The following ASXL2 variants were observed in gnomAD, a reference collection of about 807,000 sequenced individuals.
The protein encoded by ASXL2 is ASXL transcriptional regulator 2.
ASXL2 carries 23 observed loss-of-function variants against 122.0 expected under a neutral mutation model. The observed-to-expected ratio is 0.19, with a 90% CI of 0.14 to 0.27. The LOEUF (loss-of-function observed/expected upper bound fraction) is 0.27. Ranked by LOEUF, ASXL2 falls within the 10% of genes least tolerant of loss-of-function variation. ASXL2 has a pLI of 1.00. For missense variants in ASXL2, 1,518 were observed against 1,713.8 expected (o/e 0.89, Z 2.02); for synonymous variants, 650 against 637.0 (o/e 1.02, Z -0.31).
chr2:25,857,167 T>C (rs2089790759), intron 1 of ASXL2, among the ~76,000 whole-genome samples: 1 of 150,442 alleles, frequency 6.6e-6, no homozygotes, highest in Non-Finnish European at 1.5e-5. Flanking sequence ...TGGTAAGCCA[T>C]GTGGTGAGCC....
intron 5 of ASXL2, among the ~76,000 whole-genome samples, chr2:25,786,243 CTTTT>C (rs370316025): frequency 8.0e-5 from 9 of 112,408 alleles, no homozygotes; most frequent in Non-Finnish European, 5.0e-5. Flanking sequence ...CCACATCATT[CTTTT>C]TTTTTTTTTT....
At chr2:25,833,616 A>T (rs2089478459) in intron 3 of ASXL2, among the ~76,000 whole-genome samples, 1 of 152,094 alleles carries the variant, frequency 6.6e-6, no homozygotes, top group Non-Finnish European at 1.5e-5. Context: ...AAATTGTTTG[A>T]ACTCAGGAGG....
chr2:25,841,538 C>A (rs1037805502), intron 2 of ASXL2, among the ~76,000 whole-genome samples: 4 of 151,828 alleles, frequency 2.6e-5, no homozygotes. Context: ...TAATTTCAAA[C>A]CTTAGTGCTA....
intron 6 of ASXL2, 82 bp downstream of exon 6, chr2:25,771,357 CA>C: frequency 6.1e-6 from 8 of 1,306,846 alleles, no homozygotes; most frequent in Non-Finnish European, 8.3e-6. Flanking sequence ...AAAAAATTTT[CA>C]AAAAATATCC....
chr2:25,842,205 A>G (rs1337706415), intron 2 of ASXL2, among the ~76,000 whole-genome samples: 1 of 152,142 alleles, frequency 6.6e-6, no homozygotes, highest in African/African-American at 2.4e-5. Flanking sequence ...GTCAACCAAA[A>G]TTGTCTCTGA....
chr2:25,771,890 T>C (rs567382042), intron 5 of ASXL2, among the ~76,000 whole-genome samples: 1 of 152,234 alleles, frequency 6.6e-6, no homozygotes, highest in Non-Finnish European at 1.5e-5. Flanking sequence ...GTAAATCTAA[T>C]GACAACACGA....
chr2:25,866,170 C>T (rs1390239555), intron 1 of ASXL2, among the ~76,000 whole-genome samples: 4 of 146,238 alleles, frequency 2.7e-5, no homozygotes, highest in Non-Finnish European at 6.0e-5. Flanking sequence ...CTCGCTCTGT[C>T]GCAAGGCTGG....
rs759683216 is a variant in ASXL2, at chr2:25,767,700, C to T, written c.658G>A (p.Gly220Arg). The T allele has an allele frequency of 1.9e-6, 3 of 1,613,780 alleles. 1 individual carries two copies. Among genetic ancestry groups the T allele is most frequent in the Non-Finnish European group, 2.5e-6 (3 of 1,179,866 alleles). Residue 220 changes from glycine to arginine, a missense_variant, in exon 8 of 13, where the codon GGA becomes AGA. Gly to Arg is a moderately radical substitution (Grantham distance 125, BLOSUM62 -2). This residue lies in a region of ASXL2 where 198 missense variants were observed against 209.0 expected (regional missense o/e 0.95). Coordinates refer to ENST00000435504, the MANE Select transcript of ASXL2 (RefSeq NM_018263.6). ...PATWEGKQSD[G>R]QTGSPQNSNS... ...GAGTTTTGAGGGCTGCCTGTCTGTC[C>T]ATCAGATTGCTTTCCTTCCCATGTT...
intron 1 of ASXL2, among the ~76,000 whole-genome samples, chr2:25,855,649 G>A (rs1308090796): frequency 1.3e-5 from 2 of 152,004 alleles, no homozygotes; most frequent in Non-Finnish European, 2.9e-5. Context: ...CTGGGCGACA[G>A]AGTGAGACTC....
At position 25,746,113 on chromosome 2, in the gene ASXL2, A is replaced by G. The variant is rs567923447; in HGVS notation, c.1861-1637T>C. Among the ~76,000 whole-genome samples the G allele has an allele frequency of 2.6e-5, 4 of 152,304 alleles. No homozygotes were observed. In the East Asian group the frequency reaches 7.7e-4, roughly 29 times the overall value. Reference sequence around the variant, plus strand: ...AGCAAATAACTGTTAAGATGTTCTAAAGCATTTAATTAAAAAAAAATTAAC... The same window carrying G: ...AGCAAATAACTGTTAAGATGTTCTAGAGCATTTAATTAAAAAAAAATTAAC... On this transcript the variant is annotated intron_variant, in intron 12 of 12. Transcript: ENST00000435504.
At chr2:25,747,439 G>A (rs977528585) in intron 12 of ASXL2, among the ~76,000 whole-genome samples, 2 of 152,130 alleles carry the variant, frequency 1.3e-5, no homozygotes, top group African/African-American at 4.8e-5. Context: ...TTGAGATAGG[G>A]TCTAAGAGAA....
intron 1 of ASXL2, among the ~76,000 whole-genome samples, chr2:25,848,103 AAATT>A (rs1309796731): frequency 6.6e-6 from 1 of 152,228 alleles, no homozygotes; most frequent in African/African-American, 2.4e-5. Flanking sequence ...CAGAAAACTG[AAATT>A]AATAAATATT....
chr2:25,807,610 G>GA (rs903045279), intron 3 of ASXL2, among the ~76,000 whole-genome samples: 3 of 151,356 alleles, frequency 2.0e-5, no homozygotes, highest in South Asian at 2.1e-4. Context: ...GAAATTTCCA[G>GA]AAAAAAAATG....
Position 25,809,402 on chromosome 2 carries a change from A to C in ASXL2, c.144-3065T>G, listed in dbSNP as rs180836274. On this transcript the variant is annotated intron_variant, in intron 3 of 12. Coordinates refer to ENST00000435504, the MANE Select transcript of ASXL2 (RefSeq NM_018263.6). ...TGTTGTTTGGCTAACTCCTCCTGGA[A>C]TCACCTTTCTGGTTTGGGGGGTACT... Among the ~76,000 whole-genome samples the C allele has an allele frequency of 3.0e-4, 46 of 152,324 alleles. No individual in the cohort carries two copies. The East Asian group carries it at 8.7e-3, about 29-fold the overall frequency.
At chr2:25,848,760 A>G (rs183202232) in intron 1 of ASXL2, among the ~76,000 whole-genome samples, 6 of 151,962 alleles carry the variant, frequency 3.9e-5, no homozygotes, top group African/African-American at 1.2e-4. Flanking sequence ...AAACTACTTA[A>G]GGAGGCCGGG....
chr2:25,801,322 TA>T (rs1368093297), intron 4 of ASXL2, among the ~76,000 whole-genome samples: 3 of 152,140 alleles, frequency 2.0e-5, no homozygotes, highest in Non-Finnish European at 4.4e-5. Flanking sequence ...AACAATCAGA[TA>T]AAAAATAATT....
chr2:25,756,465 G>GAAAAAAAAAAAA (rs71399321), intron 9 of ASXL2, among the ~76,000 whole-genome samples: 13 of 91,406 alleles, frequency 1.4e-4, no homozygotes, highest in East Asian at 4.5e-4. Flanking sequence ...AAAAAAAAAA[G>GAAAAAAAAAAAA]AAAAAAAAAA....
In ASXL2 at chr2:25,742,876, C is replaced by T; in HGVS notation, c.3461G>A (p.Ser1154Asn). The T allele has an allele frequency of 6.2e-7, 1 of 1,613,996 alleles. No individual in the cohort carries two copies. The highest frequency in any genetic ancestry group is 8.5e-7 in the Non-Finnish European group (1 of 1,179,886). The change falls in exon 13 of 13, where the codon AGC becomes AAC. Residue 1154 changes from serine (S) to asparagine (N), a missense_variant. Ser to Asn is a conservative substitution (Grantham distance 46). Coordinates refer to ENST00000435504, the MANE Select transcript of ASXL2 (RefSeq NM_018263.6). ...VNPEDRFCLS[S>N]PTEALKMGYT... ...TCCCATTTTCAAGGCTTCAGTGGGG[C>T]TGCTTAGACAAAAACGATCTTCAGG...
chr2:25,759,422 C>T, intron 9 of ASXL2, 60 bp downstream of exon 9: 1 of 1,500,250 alleles, frequency 6.7e-7, no homozygotes, highest in Non-Finnish European at 9.1e-7. Flanking sequence ...ACCATTAATA[C>T]CACTTTACAA....
Sources: gnomAD v4.1 joint callset for allele counts (sites outside exome capture counted in the v4.1 genomes callset) on GRCh38, gnomAD v4.1.1 for gene constraint, gnomAD v4.1.1 regional missense constraint, MANE v1.5 for transcripts, NCBI Gene and HGNC (gene_info 2026-07-23, HGNC 2026-07-21) for gene names.